Variants in PLGRKT observed in about 807,000 individuals in gnomAD.
The protein encoded by PLGRKT is plasminogen receptor (KT).
Under a neutral mutation model 18.5 loss-of-function variants are expected in PLGRKT, and 22 were observed. That is an observed-to-expected ratio of 1.19 (90% CI 0.85 to 1.70). The LOEUF is 1.70. Among genes scored for constraint, PLGRKT ranks in the 40% most tolerant of loss-of-function variants. The pLI is 0.00. For synonymous variants in PLGRKT, 72 were observed against 52.8 expected, an observed-to-expected ratio of 1.36 and a Z score of -1.58; for missense variants, 235 against 174.4, an observed-to-expected ratio of 1.35 and a Z score of -1.96.
At chr9:5,378,917 T>G (rs1056776004) in intron 3 of PLGRKT, among the ~76,000 whole-genome samples, 1 of 152,158 alleles carries the variant, frequency 6.6e-6, no homozygotes, top group Admixed American at 6.5e-5. Context: ...TTTAAATTCT[T>G]TATAAATATT....
chr9:5,392,733 T>A lies in PLGRKT; in HGVS notation c.82-30845A>T, dbSNP rs1037569735. ...TACATAAAATGTTCAGACTAGTAAC[T>A]GGCATTTAATAAGCATTCAGTAAAA... On this transcript the variant is annotated intron_variant, in intron 3 of 5. Coordinates refer to ENST00000223864, the MANE Select transcript of PLGRKT (RefSeq NM_018465.4). 3.3e-5 allele frequency: 5 copies of A among 152,110 alleles called. 1 individual carries two copies. The highest frequency in any genetic ancestry group is 1.2e-4 in the African/African-American group (5 of 41,364). The allele number at this position is 152,110 out of a possible 1,614,324, so 9.4% of individuals were successfully genotyped here.
chr9:5,434,830 C>A (rs1425137405), intron 2 of PLGRKT, among the ~76,000 whole-genome samples: 1 of 152,196 alleles, frequency 6.6e-6, no homozygotes, highest in Admixed American at 6.5e-5. Context: ...GAGACAGCGA[C>A]CATCGAGAAC....
Position 5,387,745 on chromosome 9 carries a change from G to C in PLGRKT, c.82-25857C>G, listed in dbSNP as rs80163695. On this transcript the variant is annotated intron_variant, in intron 3 of 5. Transcript: ENST00000223864. ...AATAAACATCTGTAGAAATCAAGCTGTACTCTTAAGATTTGTGCACATCAC... is the reference window on the plus strand; with the variant it reads ...AATAAACATCTGTAGAAATCAAGCTCTACTCTTAAGATTTGTGCACATCAC... Among the ~76,000 whole-genome samples, 476 of 151,758 alleles carry C rather than the reference G, an allele frequency of 3.1e-3. 12 individuals carry two copies. The highest frequency in any genetic ancestry group is 0.01 in the African/African-American group (428 of 41,154).
At chr9:5,375,892 T>C (rs1220331494) in intron 3 of PLGRKT, among the ~76,000 whole-genome samples, 2 of 152,200 alleles carry the variant, frequency 1.3e-5, no homozygotes, top group Admixed American at 6.5e-5. Context: ...GGACAGATGC[T>C]TGTACACCTC....
intron 3 of PLGRKT, among the ~76,000 whole-genome samples, chr9:5,393,310 T>C (rs1456659190): frequency 6.6e-6 from 1 of 151,964 alleles, no homozygotes; most frequent in Admixed American, 6.6e-5. Flanking sequence ...GAACATCTTG[T>C]AATAATATGA....
rs997487403 is a variant in PLGRKT, at chr9:5,418,593, G to T, written c.81+13304C>A. The T allele has an allele frequency of 2.7e-6, 2 of 749,172 alleles. No individual in the cohort carries two copies. Among genetic ancestry groups the T allele is most frequent in the Non-Finnish European group, 4.9e-6 (2 of 406,144 alleles). 46.4% of individuals were successfully genotyped at this position (749,172 alleles called of 1,614,324 possible). On this transcript the variant is annotated intron_variant, in intron 3 of 5. Coordinates refer to ENST00000223864, the MANE Select transcript of PLGRKT (RefSeq NM_018465.4). The surrounding 1 kb of genome is among the most constrained non-coding windows in gnomAD (Gnocchi z 4.2). Reference sequence around the variant, plus strand: ...CAGCAGGGATGGTCACCACAGTGACGGACTTCTGCCGGTTCCTGGGCAGCA... The same window carrying T: ...CAGCAGGGATGGTCACCACAGTGACTGACTTCTGCCGGTTCCTGGGCAGCA...
chr9:5,400,078 C>T (rs943309881), intron 3 of PLGRKT, among the ~76,000 whole-genome samples: 2 of 151,412 alleles, frequency 1.3e-5, no homozygotes, highest in East Asian at 3.9e-4. Flanking sequence ...GTTATATGTG[C>T]AAAAAAAATT....
At chr9:5,362,072 T>A (rs1424252019) in intron 3 of PLGRKT, among the ~76,000 whole-genome samples, 184 bp from the exon 4 acceptor site, 1 of 152,240 alleles carries the variant, frequency 6.6e-6, no homozygotes, top group Non-Finnish European at 1.5e-5. Context: ...ACCTTGGCAG[T>A]GAAATCTTCC....
chr9:5,371,038 T>A (rs1316253600), intron 3 of PLGRKT, among the ~76,000 whole-genome samples: 1 of 152,228 alleles, frequency 6.6e-6, no homozygotes, highest in Non-Finnish European at 1.5e-5. Flanking sequence ...GGTAACAGCA[T>A]CTTATTATAT....
chr9:5,412,452 G>A (rs533247886), intron 3 of PLGRKT, among the ~76,000 whole-genome samples: 7 of 152,128 alleles, frequency 4.6e-5, no homozygotes, highest in Non-Finnish European at 1.0e-4. Context: ...ATAAATTAAT[G>A]TCCCTATCAT....
At chr9:5,433,829 C>G (rs1398522254) in intron 2 of PLGRKT, among the ~76,000 whole-genome samples, 1 of 138,136 alleles carries the variant, frequency 7.2e-6, no homozygotes, top group African/African-American at 2.8e-5. Context: ...GCGTCTCTGC[C>G]TGAGCGCCCA....
Position 5,418,850 on chromosome 9 carries a change from T to C in PLGRKT, c.81+13047A>G. On this transcript the variant is annotated intron_variant, in intron 3 of 5. Coordinates refer to ENST00000223864, the MANE Select transcript of PLGRKT (RefSeq NM_018465.4). The surrounding 1 kb of genome is among the most constrained non-coding windows in gnomAD (Gnocchi z 4.2). ...GGGCATCGCACATCCTTCTGGCTGG[T>C]CCTCGTCTGCTGGAGGCAAACTGAA... 2.8e-6 allele frequency: 3 copies of C among 1,071,372 alleles called. No homozygotes were observed. Among genetic ancestry groups the C allele is most frequent in the East Asian group, 2.5e-5 (1 of 40,310 alleles). 66.4% of individuals were successfully genotyped at this position (1,071,372 alleles called of 1,614,324 possible).
At chr9:5,419,024 C>T in intron 3 of PLGRKT, 1 of 498,758 alleles carries the variant, frequency 2.0e-6, no homozygotes. Flanking sequence ...GGGGAGGGAG[C>T]TGGTCTTCAG....
At chr9:5,423,842 A>G (rs7038226) in intron 3 of PLGRKT, among the ~76,000 whole-genome samples, 32,493 of 141,426 alleles carry the variant, frequency 0.23, 3,950 homozygotes, top group Non-Finnish European at 0.28. Context: ...AGCTGGAACT[A>G]TAGGCACACA....
chr9:5,359,057 C>G (rs919708241), intron 5 of PLGRKT, among the ~76,000 whole-genome samples: 2 of 134,072 alleles, frequency 1.5e-5, no homozygotes, highest in African/African-American at 3.2e-5. Flanking sequence ...TTTTAACACA[C>G]TATTTTATTT....
At chr9:5,360,303 C>A (rs1817234773) in intron 5 of PLGRKT, among the ~76,000 whole-genome samples, 1 of 152,160 alleles carries the variant, frequency 6.6e-6, no homozygotes, top group Admixed American at 6.5e-5. Context: ...GTTTTAAAAT[C>A]TAGACCATAG....
intron 3 of PLGRKT, among the ~76,000 whole-genome samples, chr9:5,431,624 C>A (rs1818826545): frequency 6.7e-6 from 1 of 150,362 alleles, no homozygotes; most frequent in Non-Finnish European, 1.5e-5. Context: ...CAAACATTAT[C>A]TTTGGGGGTG....
intron 2 of PLGRKT, among the ~76,000 whole-genome samples, chr9:5,435,037 G>A (rs1402904783): frequency 3.3e-5 from 5 of 151,876 alleles, no homozygotes; most frequent in African/African-American, 1.2e-4. Flanking sequence ...CCTGCTCTCT[G>A]AAACATGTGC....
chr9:5,387,692 C>G (rs1299032040), intron 3 of PLGRKT, among the ~76,000 whole-genome samples: 1 of 151,790 alleles, frequency 6.6e-6, no homozygotes, highest in East Asian at 1.9e-4. Flanking sequence ...AATGATCTAT[C>G]TTTTGATCTG....
Sources: allele counts gnomAD v4.1 joint callset (sites outside exome capture counted in the v4.1 genomes callset), GRCh38; gene constraint gnomAD v4.1.1; non-coding constraint Gnocchi (gnomAD v3.1); transcripts MANE v1.5; gene names NCBI Gene and HGNC (gene_info 2026-07-23, HGNC 2026-07-21).